DNAAF4: variants seen among roughly 807,000 people sequenced by gnomAD.
DNAAF4 encodes dynein axonemal assembly factor 4.
In DNAAF4, 43 loss-of-function variants were observed where a neutral mutation model predicts 51.8. That is an observed-to-expected ratio of 0.83 (90% CI 0.65 to 1.07). DNAAF4 has a LOEUF of 1.07. Ranked by LOEUF, DNAAF4 falls within the 50% of genes least tolerant of loss-of-function variation. The pLI is 0.00. For synonymous variants in DNAAF4, 194 were observed against 165.6 expected, an observed-to-expected ratio of 1.17 and a Z score of -1.32; for missense variants, 581 against 493.0, an observed-to-expected ratio of 1.18 and a Z score of -1.69.
intron 8 of DNAAF4, among the ~76,000 whole-genome samples, chr15:55,433,893 T>TATTATATATA: frequency 1.1e-4 from 4 of 37,526 alleles, no homozygotes; most frequent in African/African-American, 5.4e-4. Context: ...ATTATATATA[T>TATTATATATA]ATTATATATA....
Position 55,422,039 on chromosome 15 carries a change from T to G in DNAAF4, c.1048-3906A>C, listed in dbSNP as rs1263334668. On this transcript the variant is annotated intron_variant, in intron 7 of 7. Coordinates refer to the DNAAF4 transcript ENST00000448430. ...AGGAGAAAACAGACCAAAAAGCATGTATAAATACATATTTTTATATATTTA... is the reference window on the plus strand; with the variant it reads ...AGGAGAAAACAGACCAAAAAGCATGGATAAATACATATTTTTATATATTTA... 2.0e-5 allele frequency among the ~76,000 whole-genome samples: 3 copies of G among 151,692 alleles called. No homozygotes were observed. In the East Asian group the frequency reaches 5.8e-4, roughly 29 times the overall value.
At chr15:55,420,233 G>T (rs2057377054) in intron 7 of DNAAF4, among the ~76,000 whole-genome samples, 1 of 152,104 alleles carries the variant, frequency 6.6e-6, no homozygotes, top group Non-Finnish European at 1.5e-5. Flanking sequence ...ACAAAGATGT[G>T]AGACAATGTG....
intron 1 of DNAAF4, among the ~76,000 whole-genome samples, chr15:55,507,553 G>A (rs1020089535): frequency 1.3e-5 from 2 of 152,174 alleles, no homozygotes; most frequent in African/African-American, 4.8e-5. Context: ...GGAAATCAAA[G>A]AGAAACCATC....
rs600753 is a variant in DNAAF4 at position 55,466,995 on chromosome 15, T to C, written c.572A>G (p.Glu191Gly). Residue 191 changes from glutamate (E) to glycine (G), a missense_variant, in exon 5 of 10, where the codon GAA becomes GGA. Physicochemically the swap from Glu to Gly is moderately conservative, Grantham distance 98. Transcript: ENST00000321149. Reference sequence around the variant, plus strand: ...ACTCTTATATTTTATTTTTTTTCTTTCTTCTTTAATTTGCTTTTCTTTTTG... The same window carrying C: ...ACTCTTATATTTTATTTTTTTTCTTCCTTCTTTAATTTGCTTTTCTTTTTG... The part of the protein sequence containing the change: ...LCQKEKQIKE[E>G]RKKIKYKSLT... The C allele has an allele frequency of 0.52, 816,702 of 1,580,218 alleles. 215,443 individuals carry two copies. Among genetic ancestry groups the C allele is most frequent in the East Asian group, 0.74 (32,920 of 44,234 alleles).
intron 1 of DNAAF4, among the ~76,000 whole-genome samples, chr15:55,501,784 T>G (rs1471843829): frequency 1.3e-5 from 2 of 151,972 alleles, no homozygotes; most frequent in Admixed American, 1.3e-4. Flanking sequence ...GGCTCACGCC[T>G]GTAATCCCAG....
intron 6 of DNAAF4, among the ~76,000 whole-genome samples, chr15:55,444,619 CTA>C (rs1404582527): frequency 1.3e-5 from 2 of 152,178 alleles, no homozygotes; most frequent in African/African-American, 2.4e-5. Context: ...GGCATTGAAT[CTA>C]TAAATTACCT....
At chr15:55,463,376 A>G (rs1317690045) in intron 5 of DNAAF4, among the ~76,000 whole-genome samples, 1 of 152,186 alleles carries the variant, frequency 6.6e-6, no homozygotes, top group Non-Finnish European at 1.5e-5. Context: ...GAACTGGAAC[A>G]AGACAAGGAT....
chr15:55,427,922 A>AC (rs1270615880), downstream of DNAAF4, among the ~76,000 whole-genome samples: 1 of 150,902 alleles, frequency 6.6e-6, no homozygotes, highest in African/African-American at 2.4e-5. Flanking sequence ...GGCATGAGCC[A>AC]CCGCGCCTGG....
intron 5 of DNAAF4, among the ~76,000 whole-genome samples, chr15:55,450,599 C>A (rs538121086): frequency 2.0e-5 from 3 of 152,198 alleles, no homozygotes; most frequent in African/African-American, 7.2e-5. Flanking sequence ...TTTGTAAAAC[C>A]ACAGTGTTTA....
intron 5 of DNAAF4, among the ~76,000 whole-genome samples, chr15:55,459,851 G>A (rs145053407): frequency 2.1e-3 from 312 of 151,872 alleles, no homozygotes; most frequent in African/African-American, 6.7e-3. Flanking sequence ...CTACAGGCAC[G>A]CGCCACCACG....
chr15:55,499,263 C>A lies in DNAAF4; in HGVS notation c.-255-679G>T, dbSNP rs115505469. Among the ~76,000 whole-genome samples, 1,230 of 152,266 alleles carry A rather than the reference C, an allele frequency of 8.1e-3. 15 individuals carry two copies. Among genetic ancestry groups the A allele is most frequent in the African/African-American group, 0.025 (1,030 of 41,548 alleles). ...TACTAGAGGTCACACATGGACTCTG[C>A]GTTCTCCCCAAACCCACACCTCTGT... On this transcript the variant is annotated intron_variant, in intron 1 of 9. Transcript: ENST00000321149.
intron 3 of DNAAF4, among the ~76,000 whole-genome samples, chr15:55,492,796 C>T (rs933353371): frequency 2.0e-5 from 3 of 152,032 alleles, no homozygotes; most frequent in Non-Finnish European, 4.4e-5. Context: ...CCTTGGCCTC[C>T]GAAAGTGCTG....
chr15:55,488,598 A>G (rs72746108), intron 4 of DNAAF4, among the ~76,000 whole-genome samples: 6,029 of 152,302 alleles, frequency 0.04, 166 homozygotes, highest in Non-Finnish European at 0.051. Context: ...GATAATGGCT[A>G]TAATAAGGAT....
intron 5 of DNAAF4, among the ~76,000 whole-genome samples, chr15:55,465,710 A>T (rs368602807): frequency 2.0e-5 from 3 of 151,910 alleles, no homozygotes; most frequent in East Asian, 3.9e-4. Context: ...GGGATTACAG[A>T]TATGTGCCAC....
rs773140747 is a variant in DNAAF4 at position 55,497,815 on chromosome 15, G to A, written c.168C>T (p.Pro56=). ...PFLFEAFLYA[P]IDDESSKAKI... ...TTGCTTTGCTGCTCTCATCGTCTAT[G>A]GGAGCATAAAGAAATGCCTCAAATA... Residue 56 remains proline (P), a synonymous_variant, in exon 3 of 10, where the codon CCC becomes CCT. Coordinates refer to ENST00000321149, the MANE Select transcript of DNAAF4 (RefSeq NM_130810.4). 1.9e-6 allele frequency: 3 copies of A among 1,612,258 alleles called. No homozygotes were observed. Among genetic ancestry groups the A allele is most frequent in the Non-Finnish European group, 2.5e-6 (3 of 1,179,070 alleles).
At chr15:55,418,298 G>T in intron 7 of DNAAF4, 1 of 1,549,026 alleles carries the variant, frequency 6.5e-7, no homozygotes, top group Non-Finnish European at 8.7e-7. Context: ...TGTGAACCCT[G>T]GCAATCCTGT....
chr15:55,476,546 G>T (rs1172912496), intron 4 of DNAAF4, among the ~76,000 whole-genome samples: 2 of 152,158 alleles, frequency 1.3e-5, no homozygotes, highest in African/African-American at 4.8e-5. Context: ...AAATATGTGG[G>T]TAAGCGTAAA....
At chr15:55,472,548 G>A (rs889895718) in intron 4 of DNAAF4, among the ~76,000 whole-genome samples, 4 of 152,018 alleles carry the variant, frequency 2.6e-5, no homozygotes, top group Non-Finnish European at 5.9e-5. Flanking sequence ...AATCTCGGAG[G>A]CAGAGGTTAC....
chr15:55,434,511 C>G (rs2057576324), intron 8 of DNAAF4, among the ~76,000 whole-genome samples: 1 of 152,050 alleles, frequency 6.6e-6, no homozygotes, highest in South Asian at 2.1e-4. Flanking sequence ...CTAAGTTACC[C>G]TGCAAATGAG....
Sources: allele counts gnomAD v4.1 joint callset (sites outside exome capture counted in the v4.1 genomes callset), GRCh38; gene constraint gnomAD v4.1.1; transcripts MANE v1.5; gene names NCBI Gene and HGNC (gene_info 2026-07-23, HGNC 2026-07-21).